MALRD1: variants seen among roughly 807,000 people sequenced by gnomAD.
MALRD1 encodes the protein MAM and LDL receptor class A domain containing 1.
In MALRD1, 247 loss-of-function variants were observed where a neutral mutation model predicts 242.1. The ratio of observed to expected loss-of-function variants is 1.02; its 90% CI spans 0.92 to 1.13. The LOEUF (loss-of-function observed/expected upper bound fraction) is 1.13, where lower values mean the gene tolerates loss of function less well. Ranked by LOEUF, MALRD1 falls within the 50% of genes most tolerant of loss-of-function variation. The pLI, the probability that MALRD1 is intolerant of heterozygous loss-of-function variation, is 0.00. For missense variants in MALRD1, 2,989 were observed against 2,533.1 expected, an observed-to-expected ratio of 1.18 and a Z score of -3.86; for synonymous variants, 995 against 866.6, an observed-to-expected ratio of 1.15 and a Z score of -2.60.
At position 19,498,653 on chromosome 10, in the gene MALRD1, C is replaced by T. The variant is rs1326965390; in HGVS notation, c.5320+7C>T. On this transcript the variant is annotated splice_region_variant and intron_variant, in intron 31 of 39. Transcript: ENST00000454679. ...GACTCTGATCACACGCCAGGTAAAT[C>T]TAGTAGCCATCCCCAGACCAAGAAA... 2 of 1,546,026 alleles carry T rather than the reference C, an allele frequency of 1.3e-6. No individual in the cohort carries two copies. The highest frequency in any genetic ancestry group is 1.7e-6 in the Non-Finnish European group (2 of 1,143,894).
At chr10:19,214,245 C>T (rs2803832) in intron 18 of MALRD1, among the ~76,000 whole-genome samples, 7,704 of 152,218 alleles carry the variant, frequency 0.051, 291 homozygotes, top group Non-Finnish European at 0.069. Context: ...CAATGGGCTC[C>T]TCTTGGGCTC....
chr10:19,693,024 GC>G (rs1833176678), intron 38 of MALRD1, among the ~76,000 whole-genome samples: 1 of 151,608 alleles, frequency 6.6e-6, no homozygotes, highest in South Asian at 2.1e-4. Flanking sequence ...AAATTCAACA[GC>G]CCTTCATGCT....
intron 4 of MALRD1, among the ~76,000 whole-genome samples, chr10:19,098,863 G>A (rs1037999862): frequency 6.6e-6 from 1 of 152,082 alleles, no homozygotes; most frequent in African/African-American, 2.4e-5. Flanking sequence ...AATGCAGGGG[G>A]TTTTATAGAT....
intron 14 of MALRD1, among the ~76,000 whole-genome samples, chr10:19,177,020 C>G (rs1278505367): frequency 6.6e-6 from 1 of 151,798 alleles, no homozygotes; most frequent in African/African-American, 2.4e-5. Flanking sequence ...CTCACACCTG[C>G]AATCCTAGCA....
intron 26 of MALRD1, among the ~76,000 whole-genome samples, chr10:19,379,471 A>T (rs1175535330): frequency 1.3e-5 from 2 of 152,134 alleles, no homozygotes; most frequent in Non-Finnish European, 2.9e-5. Context: ...GGAGCCCATA[A>T]ATTTTGATAT....
chr10:19,134,700 T>C (rs1050868238), intron 9 of MALRD1, among the ~76,000 whole-genome samples: 3 of 152,250 alleles, frequency 2.0e-5, no homozygotes, highest in Admixed American at 6.5e-5. Flanking sequence ...TAGGCTGATA[T>C]CTGTTTTTAT....
At chr10:19,489,507 C>T in intron 29 of MALRD1, 3 of 552,312 alleles carry the variant, frequency 5.4e-6, no homozygotes, top group Non-Finnish European at 6.5e-6. Context: ...TTAGTAGCAG[C>T]TCCAGAAACA....
chr10:19,216,119 CTTT>C (rs753559077), intron 18 of MALRD1, among the ~76,000 whole-genome samples: 5 of 122,804 alleles, frequency 4.1e-5, no homozygotes, highest in Admixed American at 1.0e-4. Flanking sequence ...TTCTTTCTTT[CTTT>C]TTTTTTTTTT....
chr10:19,105,521 T>G (rs767300569), intron 5 of MALRD1, among the ~76,000 whole-genome samples: 3 of 152,036 alleles, frequency 2.0e-5, no homozygotes, highest in African/African-American at 7.2e-5. Flanking sequence ...CGTATCTCTT[T>G]GATTTCATTT....
intron 20 of MALRD1, among the ~76,000 whole-genome samples, chr10:19,280,600 A>C (rs1479360784): frequency 6.6e-6 from 1 of 152,186 alleles, no homozygotes; most frequent in Non-Finnish European, 1.5e-5. Flanking sequence ...TAATTTATTC[A>C]AATTTTGCCA....
intron 26 of MALRD1, among the ~76,000 whole-genome samples, chr10:19,373,450 C>T (rs983645941): frequency 6.0e-5 from 9 of 151,206 alleles, no homozygotes; most frequent in African/African-American, 1.9e-4. Flanking sequence ...AACCAGAGGG[C>T]GGAGGTTGCA....
intron 33 of MALRD1, among the ~76,000 whole-genome samples, chr10:19,572,700 T>G (rs1299687359): frequency 6.6e-6 from 1 of 152,162 alleles, no homozygotes; most frequent in East Asian, 1.9e-4. Flanking sequence ...CATTTTGAAG[T>G]ACGGTGGGCC....
At chr10:19,702,916 T>G (rs1297467221) in intron 38 of MALRD1, among the ~76,000 whole-genome samples, 1 of 152,226 alleles carries the variant, frequency 6.6e-6, no homozygotes, top group Non-Finnish European at 1.5e-5. Flanking sequence ...AGTAAACTTT[T>G]GTATTGCTTT....
At chr10:19,212,573 T>C (rs1048667899) in intron 18 of MALRD1, among the ~76,000 whole-genome samples, 14 of 152,360 alleles carry the variant, frequency 9.2e-5, no homozygotes, top group African/African-American at 3.4e-4. Flanking sequence ...TATCATTATA[T>C]GAACACCTAC....
At chr10:19,535,852 A>C (rs981349918) in intron 32 of MALRD1, among the ~76,000 whole-genome samples, 3 of 152,240 alleles carry the variant, frequency 2.0e-5, no homozygotes, top group Non-Finnish European at 4.4e-5. Context: ...ATGTGGCTCC[A>C]GAGTACATGG....
intron 26 of MALRD1, among the ~76,000 whole-genome samples, chr10:19,367,480 A>G (rs541092959): frequency 2.0e-5 from 3 of 152,212 alleles, no homozygotes; most frequent in African/African-American, 7.2e-5. Context: ...ATTGCATTGC[A>G]TATTTTTACC....
At chr10:19,073,332 T>C (rs1835213929) in intron 2 of MALRD1, among the ~76,000 whole-genome samples, 1 of 152,180 alleles carries the variant, frequency 6.6e-6, no homozygotes, top group Non-Finnish European at 1.5e-5. Flanking sequence ...TTATTATTGT[T>C]AATTTTAATG....
chr10:19,180,321 G>A (rs16918321), intron 14 of MALRD1, among the ~76,000 whole-genome samples: 1,532 of 152,290 alleles, frequency 0.01, 25 homozygotes, highest in African/African-American at 0.035. Flanking sequence ...AACTTTATGA[G>A]CATCTTTTCT....
chr10:19,297,070 C>T (rs1841737273), intron 21 of MALRD1, among the ~76,000 whole-genome samples: 1 of 150,364 alleles, frequency 6.7e-6, no homozygotes, highest in Non-Finnish European at 1.5e-5. Flanking sequence ...ACTCTTTTCT[C>T]TTGGTATTAT....
Sources: allele counts gnomAD v4.1 joint callset (sites outside exome capture counted in the v4.1 genomes callset), GRCh38; gene constraint gnomAD v4.1.1; transcripts MANE v1.5; gene names NCBI Gene and HGNC (gene_info 2026-07-23, HGNC 2026-07-21).